The following COL7A1 variants were observed in gnomAD, a reference collection of about 807,000 sequenced individuals.
The protein encoded by COL7A1 is collagen alpha-1(VII) chain.
A neutral mutation model predicts 456.2 loss-of-function variants in COL7A1; 296 were observed. The ratio of observed to expected loss-of-function variants is 0.65; its 90% confidence interval spans 0.59 to 0.71. The LOEUF (loss-of-function observed/expected upper bound fraction) is 0.71, where lower values mean the gene tolerates loss of function less well. Among genes scored for constraint, COL7A1 ranks in the 30% least tolerant of loss-of-function variants. The probability of loss-of-function intolerance (pLI) is 0.00; values close to 1 mark genes in which losing one functional copy is unlikely to be tolerated. For synonymous variants in COL7A1, 1,464 were observed against 1,525.9 expected, an observed-to-expected ratio of 0.96 and a Z score of 0.95; for missense variants, 3,441 against 4,017.2, an observed-to-expected ratio of 0.86 and a Z score of 3.88.
chr3:48,571,310 G>A lies in COL7A1; in HGVS notation c.7069-32C>T. 6.2e-7 allele frequency: 1 copy of A among 1,613,760 alleles called. No individual in the cohort carries two copies. Among genetic ancestry groups the A allele is most frequent in the Non-Finnish European group, 8.5e-7 (1 of 1,179,756 alleles). ...AAACCCAGCAAACAGCATTTGAGAGGGTAGGAACATGAGCACAGAGTTCAG... is the reference window on the plus strand; with the variant it reads ...AAACCCAGCAAACAGCATTTGAGAGAGTAGGAACATGAGCACAGAGTTCAG... On this transcript the variant is annotated intron_variant, in intron 92 of 118. Coordinates refer to ENST00000681320, the MANE Select transcript of COL7A1 (RefSeq NM_000094.4). This position sits in a 1 kb window ranked among gnomAD's most constrained non-coding sequence, Gnocchi z 4.6.
rs868465415 is a variant in COL7A1, at chr3:48,590,808, G to C, written c.1645C>G (p.Arg549Gly). The C allele has an allele frequency of 6.2e-7, 1 of 1,613,354 alleles. No homozygotes were observed. Among genetic ancestry groups the C allele is most frequent in the Admixed American group, 1.7e-5 (1 of 60,016 alleles). ...TGACTCCCAGGAAGCACCAGGGTCC[G>C]CTCAACCCCTAAGAGAGAAGTCAGG... ...IIVRSTQGVE[R>G]TLVLPGSQTA... Residue 549 changes from arginine (R) to glycine (G), a missense_variant, in exon 14 of 119, where the codon CGG becomes GGG. By Grantham distance (125) the Arg-to-Gly change is moderately radical. Around this residue, in one of 3 missense-constraint regions of COL7A1, gnomAD observed 913 missense variants for 1,088.2 expected, o/e 0.84. Coordinates refer to ENST00000681320, the MANE Select transcript of COL7A1 (RefSeq NM_000094.4). This position sits in a 1 kb window ranked among gnomAD's most constrained non-coding sequence, Gnocchi z 4.6.
In COL7A1 at chr3:48,567,311, G is replaced by T; in HGVS notation, c.8047-121C>A. 2 of 1,263,954 alleles carry T rather than the reference G, an allele frequency of 1.6e-6. No homozygotes were observed. The highest frequency in any genetic ancestry group is 2.3e-6 in the Non-Finnish European group (2 of 880,688). 78.3% of individuals were successfully genotyped at this position (1,263,954 alleles called of 1,614,324 possible). A position where few individuals can be genotyped will look rare whatever the true frequency, so the allele number is the denominator to read the frequency against. On this transcript the variant is annotated intron_variant, in intron 109 of 118. Transcript: ENST00000681320. The surrounding 1 kb of genome is among the most constrained non-coding windows in gnomAD (Gnocchi z 4.3). ...AACCTTCTGTAACCCAAGCACCTGT[G>T]AGCCAACCAGATGTGATCCCCATGA... is the stretch of plus-strand genomic sequence containing the variant.
In COL7A1 at chr3:48,566,989, C is replaced by G. The variant is rs2043635919; in HGVS notation, c.8144G>C (p.Ser2715Thr). ...TPGIGGFPGP[S>T]GNDGSAGPPG... ...GGGACCAGCAGAGCCATCATTTCCA[C>G]TGGGGCCTGGGAAGCCCCCAATTCC... The change falls in exon 111 of 119, where the codon AGT (serine) becomes ACT (threonine). Residue 2715 changes from serine (S) to threonine (T), a missense_variant. This residue lies in a region of COL7A1 where 2,084 missense variants were observed against 2,501.3 expected (regional missense o/e 0.83). Transcript: ENST00000681320. This position sits in a 1 kb window ranked among gnomAD's most constrained non-coding sequence, Gnocchi z 5.9. 4 of 1,612,454 alleles carry G rather than the reference C, an allele frequency of 2.5e-6. No individual in the cohort carries two copies. The highest frequency in any genetic ancestry group is 2.5e-6 in the Non-Finnish European group (3 of 1,178,766).
In COL7A1 at chr3:48,578,976, G is replaced by C; in HGVS notation, c.5389-22C>G. 6.2e-7 allele frequency: 1 copy of C among 1,613,968 alleles called. No homozygotes were observed. Among genetic ancestry groups the C allele is most frequent in the Non-Finnish European group, 8.5e-7 (1 of 1,179,968 alleles). On this transcript the variant is annotated intron_variant, in intron 62 of 118. Transcript: ENST00000681320. The surrounding 1 kb of genome is among the most constrained non-coding windows in gnomAD (Gnocchi z 4.7). Reference sequence around the variant, plus strand: ...CACCCTGAGGAGAGACTCAAAGTCAGTTCATCATGGTCATGGGGTCAGGGG... The same window carrying C: ...CACCCTGAGGAGAGACTCAAAGTCACTTCATCATGGTCATGGGGTCAGGGG...
chr3:48,577,754 C>T (rs531791930), intron 65 of COL7A1, among the ~76,000 whole-genome samples: 26 of 152,344 alleles, frequency 1.7e-4, no homozygotes, highest in Non-Finnish European at 3.2e-4. Flanking sequence ...CTGTCTGTGG[C>T]TCTTCACCTG....
In COL7A1 at chr3:48,590,396, C is replaced by A. The variant is rs749245985; in HGVS notation, c.1907-40G>T. On this transcript the variant is annotated intron_variant, in intron 15 of 118. Transcript: ENST00000681320. The surrounding 1 kb of genome is among the most constrained non-coding windows in gnomAD (Gnocchi z 4.6). ...AAATGCTGGCATGGCTCCTGCCTGT[C>A]CCCTCTGGCACCCATACCCTCATTG... 8.1e-6 allele frequency: 13 copies of A among 1,613,942 alleles called. No individual in the cohort carries two copies. Among genetic ancestry groups the A allele is most frequent in the Non-Finnish European group, 1.1e-5 (13 of 1,179,986 alleles).
Position 48,574,609 on chromosome 3 carries a change from T to G in COL7A1, c.6394-59A>C, listed in dbSNP as rs533072083. The G allele has an allele frequency of 1.8e-5, 29 of 1,613,552 alleles. No homozygotes were observed. The highest frequency in any genetic ancestry group is 2.5e-5 in the Non-Finnish European group (29 of 1,179,848). On this transcript the variant is annotated intron_variant, in intron 78 of 118. Coordinates refer to ENST00000681320, the MANE Select transcript of COL7A1 (RefSeq NM_000094.4). The surrounding 1 kb of genome is among the most constrained non-coding windows in gnomAD (Gnocchi z 5.0). ...TCCCTGCCACGTGCCCAGGTGCATA[T>G]GCACACCACCTCTAGTGTGCCCCCA...
In COL7A1 at chr3:48,590,283, G is replaced by C. The variant is rs1299894450; in HGVS notation, c.1980C>G (p.Thr660=). 1 of 1,614,042 alleles carries C rather than the reference G, an allele frequency of 6.2e-7. No individual in the cohort carries two copies. The highest frequency in any genetic ancestry group is 1.7e-5 in the Admixed American group (1 of 60,014). ...GCAGTACCGACACAGCCACCTGGTA[G>C]GTGGTTCCAGGCTGCAGCCCTGTGA... ...TDITGLQPGT[T]YQVAVSVLRG... The change falls in exon 16 of 119, where the codon ACC becomes ACG. Residue 660 remains threonine, a synonymous_variant. Transcript: ENST00000681320. The surrounding 1 kb of genome is among the most constrained non-coding windows in gnomAD (Gnocchi z 4.6).
At position 48,565,296 on chromosome 3, in the gene COL7A1, G is replaced by A; in HGVS notation, c.8528-95C>T. The A allele has an allele frequency of 6.7e-7, 1 of 1,485,310 alleles. No individual in the cohort carries two copies. Among genetic ancestry groups the A allele is most frequent in the South Asian group, 1.2e-5 (1 of 85,146 alleles). The allele number at this position is 1,485,310 out of a possible 1,614,324, so 92.0% of individuals were successfully genotyped here. On this transcript the variant is annotated intron_variant, in intron 116 of 118. Coordinates refer to ENST00000681320, the MANE Select transcript of COL7A1 (RefSeq NM_000094.4). The surrounding 1 kb of genome is among the most constrained non-coding windows in gnomAD (Gnocchi z 4.5). ...TCCACTGTGTGCACACAGTGCCCAT[G>A]CGTGTGCCCTGCATGCAGACCCTAC...
chr3:48,580,428 T>G lies in COL7A1; in HGVS notation c.5053-84A>C. 1.3e-6 allele frequency: 2 copies of G among 1,536,396 alleles called. No individual in the cohort carries two copies. On this transcript the variant is annotated intron_variant, in intron 55 of 118. Transcript: ENST00000681320. The surrounding 1 kb of genome is among the most constrained non-coding windows in gnomAD (Gnocchi z 4.5). ...GAAGCACCATGAGGACTCATGGGAA[T>G]GTTGGTAGCCTTCAGATGCGTGTGT...
chr3:48,585,852 T>G lies in COL7A1; in HGVS notation c.3764A>C (p.Gln1255Pro). 6.2e-7 allele frequency: 1 copy of G among 1,614,118 alleles called. No homozygotes were observed. Among genetic ancestry groups the G allele is most frequent in the Non-Finnish European group, 8.5e-7 (1 of 1,180,032 alleles). ...EPCPVYCPKG[Q>P]KGEPGEMGLR... ...CACCATCTCTCCAGGTTCCCCCTTC[T>G]GGCCCTGGGGAAAGACATGTCAGAT... The change falls in exon 30 of 119, where the codon CAG becomes CCG. Residue 1255 changes from glutamine to proline, a missense_variant. This residue lies in a region of COL7A1 where 2,084 missense variants were observed against 2,501.3 expected (regional missense o/e 0.83). Transcript: ENST00000681320. This position sits in a 1 kb window ranked among gnomAD's most constrained non-coding sequence, Gnocchi z 4.5.
rs886058641 is a variant in COL7A1, at chr3:48,590,294, G to C, written c.1969C>G (p.Pro657Ala). 6.2e-7 allele frequency: 1 copy of C among 1,614,064 alleles called. No individual in the cohort carries two copies. ...STATDITGLQ[P>A]GTTYQVAVSV... ...ACAGCCACCTGGTAGGTGGTTCCAGGCTGCAGCCCTGTGATGTCTGTGGCA... is the reference window on the plus strand; with the variant it reads ...ACAGCCACCTGGTAGGTGGTTCCAGCCTGCAGCCCTGTGATGTCTGTGGCA... The change falls in exon 16 of 119, where the codon CCT becomes GCT. Residue 657 changes from proline to alanine, a missense_variant. Coordinates refer to ENST00000681320, the MANE Select transcript of COL7A1 (RefSeq NM_000094.4). The surrounding 1 kb of genome is among the most constrained non-coding windows in gnomAD (Gnocchi z 4.6).
chr3:48,575,844 C>T lies in COL7A1; in HGVS notation c.5856+23G>A, dbSNP rs2044263456. 2 of 1,614,126 alleles carry T rather than the reference C, an allele frequency of 1.2e-6. No individual in the cohort carries two copies. The highest frequency in any genetic ancestry group is 8.5e-7 in the Non-Finnish European group (1 of 1,180,018). On this transcript the variant is annotated intron_variant, in intron 72 of 118. Coordinates refer to ENST00000681320, the MANE Select transcript of COL7A1 (RefSeq NM_000094.4). The surrounding 1 kb of genome is among the most constrained non-coding windows in gnomAD (Gnocchi z 6.3). ...CCCCAAGGGCCCCCACTTGTCCCTACCCCCAGCCCCTAAACAACCCACCTT... is the reference window on the plus strand; with the variant it reads ...CCCCAAGGGCCCCCACTTGTCCCTATCCCCAGCCCCTAAACAACCCACCTT...
At chr3:48,577,688 C>T (rs1365467018) in intron 65 of COL7A1, among the ~76,000 whole-genome samples, 1 of 152,204 alleles carries the variant, frequency 6.6e-6, no homozygotes, top group Non-Finnish European at 1.5e-5. Flanking sequence ...TGGGTATCAA[C>T]ATGTCTCTAA....
rs763163699 is a variant in COL7A1, at chr3:48,569,195, C to G, written c.7686+180G>C. On this transcript the variant is annotated intron_variant, in intron 103 of 118. Transcript: ENST00000681320. This position sits in a 1 kb window ranked among gnomAD's most constrained non-coding sequence, Gnocchi z 4.9. ...TCCACAGAGCTCTCCTAACCTCACA[C>G]CAAGGCCTTGAGCCCTCCCTAGAGC... Among the ~76,000 whole-genome samples the G allele has an allele frequency of 6.6e-6, 1 of 152,068 alleles. No homozygotes were observed. The highest frequency in any genetic ancestry group is 1.5e-5 in the Non-Finnish European group (1 of 67,988).
rs1012398135 is a variant in COL7A1 at position 48,594,556 on chromosome 3, G to A, written c.86-8C>T. On this transcript the variant is annotated splice_polypyrimidine_tract_variant and splice_region_variant and intron_variant, in intron 2 of 118. Transcript: ENST00000681320. This position sits in a 1 kb window ranked among gnomAD's most constrained non-coding sequence, Gnocchi z 5.5. Reference sequence around the variant, plus strand: ...AAAGGCGCGTGCAGGTCACTGGGGCGGGCAGGAGAGATCAGGGCCTCTTCT... The same window carrying A: ...AAAGGCGCGTGCAGGTCACTGGGGCAGGCAGGAGAGATCAGGGCCTCTTCT... The A allele has an allele frequency of 2.4e-5, 38 of 1,575,972 alleles. No homozygotes were observed. Among genetic ancestry groups the A allele is most frequent in the Admixed American group, 9.2e-5 (5 of 54,294 alleles).
rs2043813731 is a variant in COL7A1 at position 48,570,109 on chromosome 3, T to G, written c.7485+25A>C. The G allele has an allele frequency of 6.2e-7, 1 of 1,613,988 alleles. No individual in the cohort carries two copies. The highest frequency in any genetic ancestry group is 1.3e-5 in the African/African-American group (1 of 75,046). On this transcript the variant is annotated intron_variant, in intron 99 of 118. Coordinates refer to ENST00000681320, the MANE Select transcript of COL7A1 (RefSeq NM_000094.4). The surrounding 1 kb of genome is among the most constrained non-coding windows in gnomAD (Gnocchi z 5.5). ...AGGCAGGGGACTGAAGTCACAGCAC[T>G]GTCACTTTCCCCAGCGGGACCCACC... is the stretch of plus-strand genomic sequence containing the variant.
chr3:48,593,147 G>A lies in COL7A1; in HGVS notation c.637C>T (p.Arg213Trp), dbSNP rs1375826471. The A allele has an allele frequency of 8.7e-6, 14 of 1,613,960 alleles. 1 individual carries two copies. The highest frequency in any genetic ancestry group is 1.6e-4 in the Middle Eastern group (1 of 6,084). The stretch of plus-strand genomic sequence containing the variant: ...CCACCAGCAGTCGTGCACACTCTCC[G>A]GGAAACGAGGGGCAGTAGTGTCCTC... ...ILRTLLPLVSRRVCTTAGGVP... is the reference protein window; with the variant it reads ...ILRTLLPLVSWRVCTTAGGVP... The change falls in exon 6 of 119, where the codon CGG (arginine) becomes TGG (tryptophan). Residue 213 changes from arginine to tryptophan, a missense_variant. By Grantham distance (101) the Arg-to-Trp change is moderately radical. Transcript: ENST00000681320. The surrounding 1 kb of genome is among the most constrained non-coding windows in gnomAD (Gnocchi z 4.4).
Position 48,571,961 on chromosome 3 carries a change from C to T in COL7A1, c.7068+40G>A, listed in dbSNP as rs755922713. 5 of 1,607,338 alleles carry T rather than the reference C, an allele frequency of 3.1e-6. No individual in the cohort carries two copies. In the African/African-American group the frequency reaches 5.4e-5, roughly 17 times the overall value. On this transcript the variant is annotated intron_variant, in intron 92 of 118. Transcript: ENST00000681320. This position sits in a 1 kb window ranked among gnomAD's most constrained non-coding sequence, Gnocchi z 4.6. ...GGCCCCTTATGCCCGCCATCACACT[C>T]CTCAGGCCAGGCTCGCCCTTGCCTA...
Sources: gnomAD v4.1 joint callset for allele counts (sites outside exome capture counted in the v4.1 genomes callset) on GRCh38, gnomAD v4.1.1 for gene constraint, gnomAD v4.1.1 regional missense constraint, Gnocchi (gnomAD v3.1) non-coding constraint, MANE v1.5 for transcripts, NCBI Gene and HGNC (gene_info 2026-07-23, HGNC 2026-07-21) for gene names.